CIB1: variants seen among roughly 807,000 people sequenced by gnomAD.
CIB1 encodes the protein calcium and integrin binding 1.
In CIB1, 19 loss-of-function variants were observed where a neutral mutation model predicts 25.0. The observed-to-expected ratio is 0.76, with a 90% CI of 0.53 to 1.12. The LOEUF is 1.12. CIB1 is among the 50% of genes most tolerant of loss of function. The probability of loss-of-function intolerance (pLI) is 0.00; values close to 1 mark genes in which losing one functional copy is unlikely to be tolerated. For synonymous variants in CIB1, 104 were observed against 98.5 expected, an observed-to-expected ratio of 1.06 and a Z score of -0.33; for missense variants, 236 against 242.6, an observed-to-expected ratio of 0.97 and a Z score of 0.18.
chr15:90,253,283 G>C, the CIB1 span: 26 of 1,613,844 alleles, frequency 1.6e-5, no homozygotes, highest in Non-Finnish European at 1.9e-5. Flanking sequence ...GCCTGAAGGA[G>C]GTGGGGGAGG....
At chr15:90,231,532 G>A (rs757998537) in intron 3 of CIB1, 25 bp from the exon 4 acceptor site, 13 of 1,610,538 alleles carry the variant, frequency 8.1e-6, no homozygotes, top group African/African-American at 1.3e-5. Context: ...GCCACAGGAC[G>A]TGGCCCAGGT....
the CIB1 span, chr15:90,257,148 T>A: frequency 9.9e-6 from 16 of 1,613,320 alleles, no homozygotes; most frequent in Non-Finnish European, 1.3e-5. Context: ...CCCCTCCTCA[T>A]TGATGGCTTC....
the CIB1 span, chr15:90,241,136 T>C: frequency 1.2e-6 from 2 of 1,614,168 alleles, no homozygotes; most frequent in Non-Finnish European, 1.7e-6. Flanking sequence ...TGGGGCTGTT[T>C]CGCTACCGTC....
the CIB1 span, chr15:90,255,633 G>T: frequency 7.0e-7 from 1 of 1,435,778 alleles, no homozygotes; most frequent in Non-Finnish European, 9.7e-7. Context: ...TTGGTGCAGT[G>T]CTTACCTCCA....
At chr15:90,260,867 A>AAG in the CIB1 span, among the ~76,000 whole-genome samples, 63 of 151,272 alleles carry the variant, frequency 4.2e-4, no homozygotes, top group African/African-American at 1.5e-3. Context: ...AAAAAAAAAA[A>AAG]AGAGAGAAAG....
chr15:90,230,895 C>G (rs761641487), intron 6 of CIB1, 39 bp downstream of exon 6: 12 of 1,560,494 alleles, frequency 7.7e-6, no homozygotes, highest in Non-Finnish European at 1.1e-5. Context: ...CAGGTCGGAA[C>G]CTGCAGGTAC....
the CIB1 span, among the ~76,000 whole-genome samples, chr15:90,256,606 T>TTTCCTTCCTTCC: frequency 6.6e-5 from 2 of 30,510 alleles, no homozygotes; most frequent in South Asian, 1.6e-3. Context: ...TCTTTCTTTC[T>TTTCCTTCCTTCC]TTCCTTCCTT....
At chr15:90,261,137 G>A in the CIB1 span, among the ~76,000 whole-genome samples, 1 of 145,362 alleles carries the variant, frequency 6.9e-6, no homozygotes, top group Non-Finnish European at 1.5e-5. Flanking sequence ...GGAGTGCAGT[G>A]CCACGATCTT....
the CIB1 span, chr15:90,257,639 C>CA: frequency 1.2e-6 from 2 of 1,614,062 alleles, no homozygotes; most frequent in Non-Finnish European, 1.7e-6. Context: ...TTCCACAGGA[C>CA]AATGTCTGCA....
the CIB1 span, chr15:90,262,233 C>T: frequency 4.7e-6 from 7 of 1,474,396 alleles, no homozygotes; most frequent in Non-Finnish European, 6.3e-6. Context: ...TAGGTGGGGA[C>T]AAGTCCTGAA....
At chr15:90,240,728 G>A in the CIB1 span, among the ~76,000 whole-genome samples, 7 of 149,504 alleles carry the variant, frequency 4.7e-5, no homozygotes, top group South Asian at 2.1e-4. Context: ...CGGGAGAACC[G>A]CTTGAACCCA....
chr15:90,254,978 C>T, the CIB1 span, among the ~76,000 whole-genome samples: 1 of 152,240 alleles, frequency 6.6e-6, no homozygotes, highest in Non-Finnish European at 1.5e-5. Flanking sequence ...CAGCCCTGAG[C>T]AGCAGATATC....
upstream of CIB1, among the ~76,000 whole-genome samples, chr15:90,235,827 C>T (rs1962625043): frequency 6.6e-6 from 1 of 152,194 alleles, no homozygotes; most frequent in East Asian, 1.9e-4. Flanking sequence ...CTCGGCCTCT[C>T]AAAGTGCTGG....
At chr15:90,261,957 G>T in the CIB1 span, 1 of 1,440,554 alleles carries the variant, frequency 6.9e-7, no homozygotes, top group South Asian at 1.4e-5. Context: ...TTTCCCTACT[G>T]AACATTCCCA....
At chr15:90,245,795 T>C in the CIB1 span, 1 of 152,110 alleles carries the variant, frequency 6.6e-6, no homozygotes, top group Admixed American at 6.6e-5. Flanking sequence ...GTAAAATGGG[T>C]TTTCTTTCTG....
At chr15:90,242,431 C>CTTTTTTTTTTTTTTT in the CIB1 span, 4 of 65,512 alleles carry the variant, frequency 6.1e-5, no homozygotes, top group Non-Finnish European at 9.2e-5. Context: ...TTTTCTGTTT[C>CTTTTTTTTTTTTTTT]TTTTTTTTTT....
the CIB1 span, chr15:90,253,215 C>A: frequency 6.4e-7 from 1 of 1,569,578 alleles, no homozygotes; most frequent in South Asian, 1.1e-5. Context: ...TGCTGGTGTC[C>A]ATGCTGGCAC....
chr15:90,252,570 A>G, the CIB1 span, among the ~76,000 whole-genome samples: 2 of 152,230 alleles, frequency 1.3e-5, no homozygotes, highest in African/African-American at 4.8e-5. Flanking sequence ...AAAAAAAACA[A>G]TCTCCAGCTA....
upstream of CIB1, among the ~76,000 whole-genome samples, chr15:90,235,430 G>A (rs974430990): frequency 1.3e-5 from 2 of 152,102 alleles, no homozygotes; most frequent in African/African-American, 2.4e-5. Context: ...GCCAGACATG[G>A]TTAAACCTGG....
Sources: allele counts gnomAD v4.1 joint callset (sites outside exome capture counted in the v4.1 genomes callset), GRCh38; gene constraint gnomAD v4.1.1; transcripts MANE v1.5; gene names NCBI Gene and HGNC (gene_info 2026-07-23, HGNC 2026-07-21).